Variants in GNAL observed in about 807,000 individuals in gnomAD.
The protein encoded by GNAL is guanine nucleotide-binding protein G(olf) subunit alpha.
Under a neutral mutation model 55.1 loss-of-function variants are expected in GNAL, and 18 were observed. The observed-to-expected ratio is 0.33, with a 90% CI of 0.23 to 0.48. The LOEUF (loss-of-function observed/expected upper bound fraction) is 0.48. Among genes scored for constraint, GNAL ranks in the 20% least tolerant of loss-of-function variants. The pLI, the probability that GNAL is intolerant of heterozygous loss-of-function variation, is 0.99. For synonymous variants in GNAL, 253 were observed against 237.0 expected (o/e 1.07, Z -0.62); for missense variants, 412 against 614.1 (o/e 0.67, Z 3.48).
chr18:11,845,026 C>T (rs1368912024), intron 5 of GNAL, among the ~76,000 whole-genome samples: 3 of 152,042 alleles, frequency 2.0e-5, no homozygotes, highest in Non-Finnish European at 4.4e-5. Context: ...CCACCACACC[C>T]GGCTGATTTT....
At chr18:11,797,844 A>G (rs1195359465) in intron 4 of GNAL, among the ~76,000 whole-genome samples, 1 of 152,220 alleles carries the variant, frequency 6.6e-6, no homozygotes, top group East Asian at 1.9e-4. Flanking sequence ...GAAAAAGGCA[A>G]AACTAAAAGA....
At position 11,763,407 on chromosome 18, in the gene GNAL, G is replaced by A. The variant is rs140186558; in HGVS notation, c.624+9462G>A. 1.7e-3 allele frequency among the ~76,000 whole-genome samples: 254 copies of A among 152,130 alleles called. 2 individuals carry two copies. The highest frequency in any genetic ancestry group is 6.0e-3 in the African/African-American group (250 of 41,534). ...AAATTAGGAGATTTAACATTAATACGATATCTTTTTTTTTTTCTTTTTTGA... is the reference window on the plus strand; with the variant it reads ...AAATTAGGAGATTTAACATTAATACAATATCTTTTTTTTTTTCTTTTTTGA... On this transcript the variant is annotated intron_variant, in intron 4 of 11. Transcript: ENST00000334049.
At chr18:11,826,860 G>GC (rs2035259619) in intron 5 of GNAL, among the ~76,000 whole-genome samples, 3 of 152,184 alleles carry the variant, frequency 2.0e-5, no homozygotes, top group Admixed American at 2.0e-4. Context: ...GAGGCAGATG[G>GC]CCCCAGTGTA....
At chr18:11,791,218 G>A (rs1312680693) in intron 4 of GNAL, among the ~76,000 whole-genome samples, 2 of 152,182 alleles carry the variant, frequency 1.3e-5, no homozygotes. Context: ...GGATCCTAGT[G>A]AAGGTTTCCA....
chr18:11,752,754 C>T lies in GNAL; in HGVS notation c.377-99C>T. The T allele has an allele frequency of 3.5e-6, 4 of 1,156,000 alleles. No homozygotes were observed. The highest frequency in any genetic ancestry group is 5.1e-6 in the Non-Finnish European group (4 of 781,282). 71.6% of individuals were successfully genotyped at this position (1,156,000 alleles called of 1,614,324 possible). On this transcript the variant is annotated intron_variant, in intron 1 of 11. Coordinates refer to ENST00000334049, the MANE Select transcript of GNAL (RefSeq NM_182978.4). This position sits in a 1 kb window ranked among gnomAD's most constrained non-coding sequence, Gnocchi z 4.5. ...GCCAGGAACCCGCGTGTAGGAAATC[C>T]CCGTGCTGGGGGAGGAGGATTGCTC...
At chr18:11,814,698 A>T (rs1234456719) in intron 4 of GNAL, among the ~76,000 whole-genome samples, 1 of 152,066 alleles carries the variant, frequency 6.6e-6, no homozygotes, top group Non-Finnish European at 1.5e-5. Context: ...GGAGTTGGGG[A>T]CCAGCCTGAC....
At chr18:11,848,704 A>ACCT (rs963104192) in intron 5 of GNAL, among the ~76,000 whole-genome samples, 2 of 151,600 alleles carry the variant, frequency 1.3e-5, no homozygotes, top group African/African-American at 4.9e-5. Context: ...CGATCCACCC[A>ACCT]CCTCAGCCCC....
chr18:11,777,863 G>C (rs772185463), intron 4 of GNAL, among the ~76,000 whole-genome samples: 5 of 152,202 alleles, frequency 3.3e-5, no homozygotes, highest in Non-Finnish European at 5.9e-5. Context: ...CAGCATCCCT[G>C]TCTTACAGAC....
intron 1 of GNAL, among the ~76,000 whole-genome samples, chr18:11,743,174 A>G (rs1024853512): frequency 1.3e-5 from 2 of 152,122 alleles, no homozygotes; most frequent in African/African-American, 4.8e-5. Flanking sequence ...TCTAGGATTC[A>G]TGTGGAATCA....
At chr18:11,714,951 G>A (rs911840389) in intron 1 of GNAL, among the ~76,000 whole-genome samples, 1 of 151,918 alleles carries the variant, frequency 6.6e-6, no homozygotes, top group African/African-American at 2.4e-5. Flanking sequence ...GGCCAGCCTG[G>A]GCAACATGGT....
chr18:11,713,684 A>G (rs113604725), intron 1 of GNAL, among the ~76,000 whole-genome samples: 4 of 152,348 alleles, frequency 2.6e-5, no homozygotes, highest in African/African-American at 9.6e-5. Flanking sequence ...TTTAAAAATA[A>G]GCAGAAAACC....
chr18:11,763,021 G>C (rs2052661), intron 4 of GNAL, among the ~76,000 whole-genome samples: 51,734 of 152,130 alleles, frequency 0.34, 9,782 homozygotes, highest in African/African-American at 0.51. Flanking sequence ...CAGTTAGATA[G>C]ATTAACCGTA....
At position 11,829,610 on chromosome 18, in the gene GNAL, C is replaced by T. The variant is rs541139160; in HGVS notation, c.722+4595C>T. Among the ~76,000 whole-genome samples the T allele has an allele frequency of 2.4e-4, 37 of 152,296 alleles. 1 individual carries two copies. Among genetic ancestry groups the T allele is most frequent in the Admixed American group, 1.0e-3 (16 of 15,296 alleles). ...CAGTCTGAGTGCAGTCCTCAGACCA[C>T]GAGACTCGTGTGTCTTGTTCAGCCT... is the stretch of plus-strand genomic sequence containing the variant. On this transcript the variant is annotated intron_variant, in intron 5 of 11. Coordinates refer to ENST00000334049, the MANE Select transcript of GNAL (RefSeq NM_182978.4).
chr18:11,748,112 G>C (rs2032732086), intron 1 of GNAL, among the ~76,000 whole-genome samples: 1 of 152,184 alleles, frequency 6.6e-6, no homozygotes, highest in African/African-American at 2.4e-5. Context: ...ACTAGAAAAA[G>C]GTCAGGTGAT....
chr18:11,822,576 C>T (rs2035127488), intron 4 of GNAL, among the ~76,000 whole-genome samples: 1 of 152,108 alleles, frequency 6.6e-6, no homozygotes, highest in African/African-American at 2.4e-5. Context: ...TGCACTCCAG[C>T]CTGTGAGAAG....
intron 4 of GNAL, among the ~76,000 whole-genome samples, chr18:11,780,265 G>C (rs979019077): frequency 1.3e-5 from 2 of 151,946 alleles, no homozygotes; most frequent in Admixed American, 6.6e-5. Flanking sequence ...CGTTCCTGCT[G>C]TCTTGTCCAG....
At chr18:11,777,357 G>C (rs2143326517) in intron 4 of GNAL, among the ~76,000 whole-genome samples, 1 of 152,312 alleles carries the variant, frequency 6.6e-6, no homozygotes, top group South Asian at 2.1e-4. Context: ...ACCTGCTTTA[G>C]GAACTCTGCC....
chr18:11,865,755 T>TAA (rs777122802), intron 7 of GNAL, among the ~76,000 whole-genome samples: 17 of 81,174 alleles, frequency 2.1e-4, no homozygotes, highest in South Asian at 7.3e-4. Flanking sequence ...ACCCTGTCTC[T>TAA]AAAAAAAAAA....
Position 11,752,316 on chromosome 18 carries a change from C to T in GNAL, c.377-537C>T. ...ATCGGAAAACACCGAAGAGACCAGACCATCTCTTTCAGCAGCAGGAAAGAG... is the reference window on the plus strand; with the variant it reads ...ATCGGAAAACACCGAAGAGACCAGATCATCTCTTTCAGCAGCAGGAAAGAG... On this transcript the variant is annotated intron_variant, in intron 1 of 11. Coordinates refer to ENST00000334049, the MANE Select transcript of GNAL (RefSeq NM_182978.4). The surrounding 1 kb of genome is among the most constrained non-coding windows in gnomAD (Gnocchi z 4.5). 6.8e-7 allele frequency: 1 copy of T among 1,473,310 alleles called. No homozygotes were observed. The highest frequency in any genetic ancestry group is 9.0e-7 in the Non-Finnish European group (1 of 1,117,268). 91.3% of individuals were successfully genotyped at this position (1,473,310 alleles called of 1,614,324 possible). A position where few individuals can be genotyped will look rare whatever the true frequency, so the allele number is the denominator to read the frequency against.
Sources: allele counts gnomAD v4.1 joint callset (sites outside exome capture counted in the v4.1 genomes callset), GRCh38; gene constraint gnomAD v4.1.1; non-coding constraint Gnocchi (gnomAD v3.1); transcripts MANE v1.5; gene names NCBI Gene and HGNC (gene_info 2026-07-23, HGNC 2026-07-21).